Variants in ITGB2 observed in about 807,000 individuals in gnomAD.
ITGB2 encodes integrin subunit beta 2.
ITGB2 carries 56 observed loss-of-function variants against 86.8 expected under a neutral mutation model. The ratio of observed to expected loss-of-function variants is 0.65; its 90% CI spans 0.52 to 0.81. ITGB2 has a LOEUF of 0.81. Among genes scored for constraint, ITGB2 ranks in the 30% least tolerant of loss-of-function variants. ITGB2 has a pLI of 0.00. For missense variants in ITGB2, 948 were observed against 1,061.2 expected, an observed-to-expected ratio of 0.89 and a Z score of 1.48; for synonymous variants, 457 against 450.4, an observed-to-expected ratio of 1.01 and a Z score of -0.19.
intron 1 of ITGB2, among the ~76,000 whole-genome samples, chr21:44,913,638 AAGGTC>A (rs1207014243): frequency 1.4e-4 from 21 of 152,046 alleles, no homozygotes; most frequent in Admixed American, 1.4e-3. Context: ...GCTGGGGATG[AAGGTC>A]CGCTCCAGGA....
chr21:44,906,891 C>T, intron 4 of ITGB2, 24 bp downstream of exon 4: 2 of 1,612,824 alleles, frequency 1.2e-6, no homozygotes, highest in Non-Finnish European at 1.7e-6. Context: ...CGGTGCCTGG[C>T]ACCACCACCG....
intron 1 of ITGB2, among the ~76,000 whole-genome samples, chr21:44,920,339 A>G (rs1306833784): frequency 6.6e-6 from 1 of 152,022 alleles, no homozygotes; most frequent in African/African-American, 2.4e-5. Flanking sequence ...ACCACACCAC[A>G]CCATATCACA....
upstream of ITGB2, among the ~76,000 whole-genome samples, chr21:44,925,467 G>C (rs910771541): frequency 6.8e-6 from 1 of 146,592 alleles, no homozygotes; most frequent in African/African-American, 2.5e-5. Flanking sequence ...AAGGAAGGAA[G>C]GAAGGAAGGA....
chr21:44,911,309 ACAC>A lies in ITGB2; in HGVS notation c.-3-527_-3-525del, dbSNP rs1455518391. 3.0e-5 allele frequency: 6 copies of A among 199,546 alleles called. No individual in the cohort carries two copies. The South Asian group carries it at 3.2e-4, about 11-fold the overall frequency. The allele number at this position is 199,546 out of a possible 1,614,324, so 12.4% of individuals were successfully genotyped here. The stretch of plus-strand genomic sequence containing the variant: ...ACACATACACACCACACAGACACAC[ACAC>A]CACACGCACACACCATACACACGTG... On this transcript the variant is annotated intron_variant, in intron 1 of 15. Coordinates refer to ENST00000652462, the MANE Select transcript of ITGB2 (RefSeq NM_000211.5).
In ITGB2 at chr21:44,888,744, C is replaced by T. The variant is rs374293657; in HGVS notation, c.2029G>A (p.Glu677Lys). The change falls in exon 14 of 16, where the codon GAG becomes AAG. Residue 677 changes from glutamate to lysine, a missense_variant. Transcript: ENST00000652462. Reference protein sequence around the residue: ...SEGCWVAYTLEQQDGMDRYLI... With the variant: ...SEGCWVAYTLKQQDGMDRYLI... ...TAGCGGTCCATCCCGTCCTGCTGCT[C>T]CAGCGTGTAGGCCACCCAGCAGCCC... 1.9e-5 allele frequency: 30 copies of T among 1,611,490 alleles called. No individual in the cohort carries two copies. The highest frequency in any genetic ancestry group is 2.4e-5 in the Non-Finnish European group (28 of 1,179,984).
In ITGB2 at chr21:44,891,977, A is replaced by C; in HGVS notation, c.1244T>G (p.Val415Gly). 1 of 1,612,798 alleles carries C rather than the reference A, an allele frequency of 6.2e-7. No individual in the cohort carries two copies. The highest frequency in any genetic ancestry group is 8.5e-7 in the Non-Finnish European group (1 of 1,179,936). Residue 415 changes from valine to glycine, a missense_variant, in exon 11 of 16, where the codon GTC becomes GGC. Transcript: ENST00000652462. ...INVPITFQVK[V>G]TATECIQEQS... ...CTCCTGGATGCACTCTGTGGCCGTGACCTTCACCTGGAAGGTGATCTGCAG... is the reference window on the plus strand; with the variant it reads ...CTCCTGGATGCACTCTGTGGCCGTGCCCTTCACCTGGAAGGTGATCTGCAG...
At chr21:44,908,073 C>T in intron 3 of ITGB2, 1 of 718,060 alleles carries the variant, frequency 1.4e-6, no homozygotes, top group East Asian at 2.7e-5. Flanking sequence ...GTAGTTTCCA[C>T]CTGGGGCCTG....
intron 6 of ITGB2, 49 bp from the exon 7 acceptor site, chr21:44,900,524 C>T (rs1295856188): frequency 1.2e-6 from 2 of 1,609,250 alleles, no homozygotes; most frequent in South Asian, 1.1e-5. Flanking sequence ...GTTTCCCAGA[C>T]CCGGCCCTCT....
intron 1 of ITGB2, among the ~76,000 whole-genome samples, chr21:44,917,773 CCCAACA>C (rs2084233123): frequency 6.6e-6 from 1 of 152,234 alleles, no homozygotes; most frequent in African/African-American, 2.4e-5. Context: ...CTCCACCACT[CCCAACA>C]CCAACATGTG....
chr21:44,926,746 T>C (rs1418972973), intron 1 of ITGB2: 2 of 152,268 alleles, frequency 1.3e-5, no homozygotes, highest in Admixed American at 6.5e-5. Context: ...CTGGGAACAA[T>C]CTTTTCCCTC....
chr21:44,891,430 C>T (rs972328457), intron 11 of ITGB2, among the ~76,000 whole-genome samples: 6 of 152,206 alleles, frequency 3.9e-5, no homozygotes, highest in Non-Finnish European at 2.9e-5. Flanking sequence ...CAAGGAAGGT[C>T]GGGCAGAGAA....
chr21:44,895,648 C>T (rs1175137284), intron 8 of ITGB2, among the ~76,000 whole-genome samples: 1 of 152,102 alleles, frequency 6.6e-6, no homozygotes, highest in Non-Finnish European at 1.5e-5. Flanking sequence ...TGAGACCAGC[C>T]TGGCCAACAT....
chr21:44,911,632 T>C (rs761742491), intron 1 of ITGB2, among the ~76,000 whole-genome samples: 1 of 152,222 alleles, frequency 6.6e-6, no homozygotes, highest in Non-Finnish European at 1.5e-5. Context: ...GTCACCTGAC[T>C]TGCCCAAGCC....
Position 44,893,410 on chromosome 21 carries a change from A to G in ITGB2, c.1218T>C (p.Asn406=). ...CCCTTGTGGCCAGGCTCACCGGGAC[A>G]TTGATCTGCACGCCATCACAGTCAC... ...PRGDCDGVQI[N]VPITFQVKVT... The change falls in exon 10 of 16, where the codon AAT becomes AAC. Residue 406 remains asparagine, a synonymous_variant. Coordinates refer to ENST00000652462, the MANE Select transcript of ITGB2 (RefSeq NM_000211.5). 6.2e-7 allele frequency: 1 copy of G among 1,613,936 alleles called. No individual in the cohort carries two copies.
intron 1 of ITGB2, among the ~76,000 whole-genome samples, chr21:44,912,780 T>A (rs2084153011): frequency 6.6e-6 from 1 of 151,770 alleles, no homozygotes; most frequent in Admixed American, 6.6e-5. Context: ...GTGCTGGAGC[T>A]ACCCCAGGGT....
upstream of ITGB2, among the ~76,000 whole-genome samples, chr21:44,922,506 C>T (rs570990530): frequency 6.6e-6 from 1 of 151,824 alleles, no homozygotes; most frequent in South Asian, 2.1e-4. Context: ...CTCATCTCTA[C>T]AAAAAAATTT....
chr21:44,897,215 G>A (rs1386679237), intron 8 of ITGB2, among the ~76,000 whole-genome samples: 1 of 152,248 alleles, frequency 6.6e-6, no homozygotes, highest in Non-Finnish European at 1.5e-5. Context: ...ACACCACGAG[G>A]TTGAGCTTGT....
intron 7 of ITGB2, 127 bp downstream of exon 7, chr21:44,900,193 A>G (rs1285229533): frequency 6.2e-6 from 8 of 1,299,644 alleles, no homozygotes; most frequent in Non-Finnish European, 8.7e-6. Flanking sequence ...TGGGGCTTCC[A>G]GAAGTTTCCT....
chr21:44,909,134 G>A (rs1052112451), intron 3 of ITGB2, among the ~76,000 whole-genome samples: 9 of 152,218 alleles, frequency 5.9e-5, no homozygotes, highest in Non-Finnish European at 1.2e-4. Flanking sequence ...GCCTGCGGGT[G>A]CGATTTGATG....
Sources: allele counts gnomAD v4.1 joint callset (sites outside exome capture counted in the v4.1 genomes callset), GRCh38; gene constraint gnomAD v4.1.1; transcripts MANE v1.5; gene names NCBI Gene and HGNC (gene_info 2026-07-23, HGNC 2026-07-21).